Variants in NLGN1 observed in about 807,000 individuals in gnomAD.
NLGN1 encodes the protein neuroligin-1.
NLGN1 carries 12 observed loss-of-function variants against 65.5 expected under a neutral mutation model. The observed-to-expected ratio is 0.18, with a 90% CI of 0.12 to 0.30. The LOEUF is 0.30. NLGN1 is among the 10% of genes least tolerant of loss of function. The probability of loss-of-function intolerance (pLI) is 1.00; values close to 1 mark genes in which losing one functional copy is unlikely to be tolerated. For missense variants in NLGN1, 750 were observed against 1,007.1 expected (o/e 0.74, Z 3.46); for synonymous variants, 350 against 359.5 (o/e 0.97, Z 0.30).
intron 4 of NLGN1, among the ~76,000 whole-genome samples, chr3:173,846,616 C>T (rs1199049248): frequency 6.6e-6 from 1 of 152,156 alleles, no homozygotes; most frequent in East Asian, 1.9e-4. Flanking sequence ...TTTCCCACCC[C>T]CATTTCTACA....
rs1001825917 is a variant in NLGN1, at chr3:173,526,285, G to T, written c.-320-77994G>T. On this transcript the variant is annotated intron_variant, in intron 2 of 6. Coordinates refer to ENST00000457714, the Ensembl canonical transcript of NLGN1. ...ATATATATATTTATAGTTAAATCTT[G>T]TTGCATTGAGTGCTGTATCATTATA... is the stretch of plus-strand genomic sequence containing the variant. Among the ~76,000 whole-genome samples, 2 of 151,728 alleles carry T rather than the reference G, an allele frequency of 1.3e-5. 1 individual carries two copies. Among genetic ancestry groups the T allele is most frequent in the Non-Finnish European group, 2.9e-5 (2 of 67,918 alleles).
At chr3:173,503,051 A>G (rs1731413848) in intron 2 of NLGN1, among the ~76,000 whole-genome samples, 1 of 151,540 alleles carries the variant, frequency 6.6e-6, no homozygotes. Context: ...CCCACAATTA[A>G]CATGCCATAT....
intron 4 of NLGN1, among the ~76,000 whole-genome samples, chr3:173,863,347 C>T (rs1729518875): frequency 2.0e-5 from 3 of 152,046 alleles, no homozygotes; most frequent in Admixed American, 6.5e-5. Flanking sequence ...AATGGATATA[C>T]GTTTCCTAAA....
upstream of NLGN1, among the ~76,000 whole-genome samples, chr3:173,397,098 G>A (rs984441921): frequency 2.6e-5 from 4 of 151,856 alleles, no homozygotes; most frequent in Non-Finnish European, 4.4e-5. Context: ...AAACTGGGTG[G>A]TTTTTTTTAA....
intron 4 of NLGN1, among the ~76,000 whole-genome samples, chr3:174,184,241 C>A (rs1305457395): frequency 3.3e-5 from 5 of 151,958 alleles, no homozygotes; most frequent in African/African-American, 1.2e-4. Context: ...ACTCAGAAAT[C>A]TCACATTCTT....
chr3:173,467,609 A>G (rs997415843), intron 2 of NLGN1, among the ~76,000 whole-genome samples: 1 of 152,150 alleles, frequency 6.6e-6, no homozygotes. Flanking sequence ...TTTTCAAACA[A>G]TGTGCTACAT....
chr3:174,165,823 A>G, intron 4 of NLGN1, among the ~76,000 whole-genome samples: 1 of 151,934 alleles, frequency 6.6e-6, no homozygotes, highest in Non-Finnish European at 1.5e-5. Flanking sequence ...CTGTGAATCC[A>G]TCTGGTCTGG....
intron 4 of NLGN1, among the ~76,000 whole-genome samples, chr3:174,267,125 A>G (rs1425680588): frequency 6.6e-6 from 1 of 152,216 alleles, no homozygotes; most frequent in Non-Finnish European, 1.5e-5. Flanking sequence ...TTGCTCACAA[A>G]CCTGTGTTAG....
intron 4 of NLGN1, among the ~76,000 whole-genome samples, chr3:173,969,370 G>T (rs879586043): frequency 6.6e-6 from 1 of 151,880 alleles, no homozygotes; most frequent in African/African-American, 2.4e-5. Context: ...TCTACAAAGG[G>T]TATTAAAGTA....
At chr3:174,260,105 T>A (rs1191780181) in intron 4 of NLGN1, among the ~76,000 whole-genome samples, 1 of 152,014 alleles carries the variant, frequency 6.6e-6, no homozygotes, top group African/African-American at 2.4e-5. Context: ...TGGGGTTGGT[T>A]CCAAGTTTTT....
intron 4 of NLGN1, among the ~76,000 whole-genome samples, chr3:174,145,376 G>T (rs1181317331): frequency 6.6e-6 from 1 of 151,984 alleles, no homozygotes; most frequent in Admixed American, 6.6e-5. Context: ...AGCTGGGCTT[G>T]GTGGCGCGCA....
intron 3 of NLGN1, among the ~76,000 whole-genome samples, chr3:173,652,368 T>A (rs1245340539): frequency 1.3e-5 from 2 of 152,208 alleles, no homozygotes; most frequent in Non-Finnish European, 2.9e-5. Flanking sequence ...GAATTTTCCT[T>A]AGGTTTTTGT....
chr3:173,469,163 A>G (rs547996874), intron 2 of NLGN1, among the ~76,000 whole-genome samples: 3 of 152,092 alleles, frequency 2.0e-5, no homozygotes, highest in African/African-American at 7.2e-5. Flanking sequence ...TAATTTTTAA[A>G]TTTTTTCCAG....
rs555957747 is a variant in NLGN1 at position 174,012,542 on chromosome 3, C to T, written c.646+204710C>T. The stretch of plus-strand genomic sequence containing the variant: ...AACACTATCTGAAGGGTACCTATTA[C>T]CCAGTCCACATCCTCTTTACTGTTT... On this transcript the variant is annotated intron_variant, in intron 4 of 6. Transcript: ENST00000457714. Among the ~76,000 whole-genome samples the T allele has an allele frequency of 2.6e-4, 39 of 152,256 alleles. 1 individual carries two copies. The highest frequency in any genetic ancestry group is 1.5e-3 in the Admixed American group (23 of 15,288).
intron 2 of NLGN1, among the ~76,000 whole-genome samples, chr3:173,470,413 G>A (rs1347035593): frequency 1.3e-5 from 2 of 151,830 alleles, no homozygotes; most frequent in Non-Finnish European, 2.9e-5. Context: ...TTCACCCATG[G>A]CCCAGCTTAA....
chr3:174,235,845 A>C (rs1741602420), intron 4 of NLGN1, among the ~76,000 whole-genome samples: 1 of 152,210 alleles, frequency 6.6e-6, no homozygotes, highest in Non-Finnish European at 1.5e-5. Flanking sequence ...GACCTAAAAA[A>C]GGCAAGAAAT....
intron 4 of NLGN1, among the ~76,000 whole-genome samples, chr3:173,951,454 A>G (rs546301310): frequency 3.5e-4 from 49 of 138,294 alleles, no homozygotes; most frequent in African/African-American, 1.3e-3. Context: ...AGCAGGTATC[A>G]TTCTTTTTTT....
intron 4 of NLGN1, among the ~76,000 whole-genome samples, chr3:174,132,287 A>G (rs960440299): frequency 6.6e-6 from 1 of 152,222 alleles, no homozygotes; most frequent in African/African-American, 2.4e-5. Flanking sequence ...GGGTAATGTC[A>G]TCTCAGAAGA....
At chr3:173,824,804 T>C (rs918409532) in intron 4 of NLGN1, among the ~76,000 whole-genome samples, 1 of 152,126 alleles carries the variant, frequency 6.6e-6, no homozygotes, top group African/African-American at 2.4e-5. Flanking sequence ...TCTATAGGAA[T>C]ATGATTTAGT....
Sources: gnomAD v4.1 joint callset for allele counts (sites outside exome capture counted in the v4.1 genomes callset) on GRCh38, gnomAD v4.1.1 for gene constraint, MANE v1.5 for transcripts, NCBI Gene and HGNC (gene_info 2026-07-23, HGNC 2026-07-21) for gene names.